The following P2RY12 variants were observed in gnomAD, a reference collection of about 807,000 sequenced individuals.
P2RY12 encodes the protein purinergic receptor P2Y12, also known as P2Y purinoceptor 12.
Under a neutral mutation model 4.5 loss-of-function variants are expected in P2RY12, and 3 were observed. The ratio of observed to expected loss-of-function variants is 0.67; its 90% CI spans 0.31 to 1.74. The LOEUF (loss-of-function observed/expected upper bound fraction) is 1.74. Among genes scored for constraint, P2RY12 ranks in the 40% most tolerant of loss-of-function variants. P2RY12 has a pLI of 0.09. For missense variants in P2RY12, 356 were observed against 407.8 expected, an observed-to-expected ratio of 0.87 and a Z score of 1.09; for synonymous variants, 148 against 154.1, an observed-to-expected ratio of 0.96 and a Z score of 0.29.
chr3:151,355,669 T>G (rs1753822585), intron 1 of P2RY12, among the ~76,000 whole-genome samples: 1 of 152,240 alleles, frequency 6.6e-6, no homozygotes, highest in South Asian at 2.1e-4. Flanking sequence ...TTAGAATACT[T>G]AAGATTTAGG....
intron 1 of P2RY12, chr3:151,376,649 G>T: frequency 1.5e-6 from 1 of 658,904 alleles, no homozygotes; most frequent in Middle Eastern, 4.0e-4. Flanking sequence ...GAATATATAT[G>T]CAGCAAGATT....
chr3:151,375,028 A>G (rs897048676), intron 1 of P2RY12, among the ~76,000 whole-genome samples: 3 of 152,236 alleles, frequency 2.0e-5, no homozygotes, highest in African/African-American at 7.2e-5. Context: ...CAGGCATGTT[A>G]TAACTATGGT....
chr3:151,341,607 AG>A (rs1751832146), intron 1 of P2RY12, among the ~76,000 whole-genome samples: 1 of 151,326 alleles, frequency 6.6e-6, no homozygotes, highest in African/African-American at 2.4e-5. Context: ...GTTAAGTTTT[AG>A]GGTACATGTG....
chr3:151,338,991 T>TATGA, intron 2 of P2RY12, 132 bp from the exon 3 acceptor site: 1 of 744,078 alleles, frequency 1.3e-6, no homozygotes, highest in Admixed American at 2.2e-5. Flanking sequence ...TAGTAGTTAG[T>TATGA]ATGAACACAG....
intron 1 of P2RY12, among the ~76,000 whole-genome samples, chr3:151,378,591 T>A (rs1231198899): frequency 6.6e-6 from 1 of 152,120 alleles, no homozygotes; most frequent in Non-Finnish European, 1.5e-5. Flanking sequence ...ATTTTTAACA[T>A]TTAGGGCTCC....
chr3:151,360,291 A>C (rs1222202414), intron 1 of P2RY12, among the ~76,000 whole-genome samples: 2 of 152,060 alleles, frequency 1.3e-5, no homozygotes, highest in Non-Finnish European at 2.9e-5. Context: ...TTTAAAATCT[A>C]TTTCAGTGTC....
Position 151,337,529 on chromosome 3 carries a change from G to T in P2RY12, c.*288C>A. ...TAAATATTATATGATTACTCATTTTGGCAAAACTCTGCAAAACATGAATTC... is the reference window on the plus strand; with the variant it reads ...TAAATATTATATGATTACTCATTTTTGCAAAACTCTGCAAAACATGAATTC... On this transcript the variant is annotated 3_prime_UTR_variant, in exon 3 of 3. Coordinates refer to ENST00000302632, the MANE Select transcript of P2RY12 (RefSeq NM_022788.5). 3.1e-6 allele frequency: 1 copy of T among 322,728 alleles called. No homozygotes were observed. The highest frequency in any genetic ancestry group is 2.2e-5 in the African/African-American group (1 of 46,310). The allele number at this position is 322,728 out of a possible 1,614,324, so 20.0% of individuals were successfully genotyped here.
intron 1 of P2RY12, among the ~76,000 whole-genome samples, chr3:151,371,194 A>G (rs1430446605): frequency 6.6e-6 from 1 of 151,848 alleles, no homozygotes; most frequent in African/African-American, 2.4e-5. Flanking sequence ...TAATTTATCC[A>G]CCCTACCATG....
At position 151,337,089 on chromosome 3, in the gene P2RY12, T is replaced by C. The variant is rs1351032006; in HGVS notation, c.*728A>G. 3 of 152,114 alleles carry C rather than the reference T, an allele frequency of 2.0e-5. No individual in the cohort carries two copies. Among genetic ancestry groups the C allele is most frequent in the Admixed American group, 6.6e-5 (1 of 15,264 alleles). 9.4% of individuals were successfully genotyped at this position (152,114 alleles called of 1,614,324 possible). ...AGTTGTAAAAAATTAGTAAAACTAG[T>C]TTCTCTAGAATTAAGGAAATATTTC... is the stretch of plus-strand genomic sequence containing the variant. On this transcript the variant is annotated 3_prime_UTR_variant, in exon 3 of 3. Coordinates refer to ENST00000302632, the MANE Select transcript of P2RY12 (RefSeq NM_022788.5).
chr3:151,377,353 G>A (rs191285381), intron 1 of P2RY12, among the ~76,000 whole-genome samples: 25 of 152,226 alleles, frequency 1.6e-4, no homozygotes, highest in Middle Eastern at 3.4e-3. Context: ...TGATAGCTTC[G>A]GAATATTTGA....
intron 1 of P2RY12, among the ~76,000 whole-genome samples, chr3:151,367,450 G>A (rs1755424038): frequency 6.6e-6 from 1 of 152,142 alleles, no homozygotes. Flanking sequence ...TGGAATGTGG[G>A]TAAACCTCAT....
At chr3:151,352,920 CAT>C (rs1313039589) in intron 1 of P2RY12, among the ~76,000 whole-genome samples, 1 of 152,020 alleles carries the variant, frequency 6.6e-6, no homozygotes. Context: ...AGCAAATTAA[CAT>C]AAGAAAGATG....
At chr3:151,355,052 A>C in intron 1 of P2RY12, 4 of 1,112,718 alleles carry the variant, frequency 3.6e-6, no homozygotes, top group Non-Finnish European at 5.4e-6. Context: ...TTTAAAAAAA[A>C]GTATCCATTA....
In P2RY12 at chr3:151,368,368, G is replaced by T; in HGVS notation, c.-180+16324C>A. On this transcript the variant is annotated intron_variant, in intron 1 of 2. Transcript: ENST00000302632. ...TTCTTAATTTTTTGGGCATGCCCTG[G>T]GGGTGATGAAGGGTGAGATGATACT... is the stretch of plus-strand genomic sequence containing the variant. 5 of 805,470 alleles carry T rather than the reference G, an allele frequency of 6.2e-6. No individual in the cohort carries two copies. The South Asian group carries it at 7.3e-5, about 12-fold the overall frequency. The allele number at this position is 805,470 out of a possible 1,614,324, so 49.9% of individuals were successfully genotyped here. A position where few individuals can be genotyped will look rare whatever the true frequency, so the allele number is the denominator to read the frequency against.
chr3:151,379,850 C>T (rs1711926933), intron 1 of P2RY12, among the ~76,000 whole-genome samples: 1 of 152,198 alleles, frequency 6.6e-6, no homozygotes, highest in South Asian at 2.1e-4. Context: ...TCTACCCTCA[C>T]TGCCCGGCAT....
rs1577491146 is a variant in P2RY12 at position 151,375,939 on chromosome 3, C to G, written c.-180+8753G>C. 3 of 622,680 alleles carry G rather than the reference C, an allele frequency of 4.8e-6. No individual in the cohort carries two copies. The East Asian group carries it at 9.8e-5, about 20-fold the overall frequency. The allele number at this position is 622,680 out of a possible 1,614,324, so 38.6% of individuals were successfully genotyped here. On this transcript the variant is annotated intron_variant, in intron 1 of 2. Transcript: ENST00000302632. ...GGAAAATTCCTATCAGTTTTCTATTCAATTATGCACTGTGGATTTAGTACA... is the reference window on the plus strand; with the variant it reads ...GGAAAATTCCTATCAGTTTTCTATTGAATTATGCACTGTGGATTTAGTACA...
intron 1 of P2RY12, among the ~76,000 whole-genome samples, chr3:151,379,139 G>T (rs1711753233): frequency 6.6e-6 from 1 of 152,182 alleles, no homozygotes; most frequent in African/African-American, 2.4e-5. Flanking sequence ...TTTACATCTG[G>T]TTGTTTTACC....
chr3:151,348,877 TC>T, intron 1 of P2RY12, among the ~76,000 whole-genome samples: 1 of 152,186 alleles, frequency 6.6e-6, no homozygotes, highest in Non-Finnish European at 1.5e-5. Context: ...ACATTGGACT[TC>T]TCCTAGTCTG....
rs1157568578 is a variant in P2RY12, at chr3:151,337,164, T to C, written c.*653A>G. ...ATAAAAGTAAGTCTCCTTATTTTAA[T>C]GACTTCGATATTTCTTCTCTTTATT... On this transcript the variant is annotated 3_prime_UTR_variant, in exon 3 of 3. Transcript: ENST00000302632. 1 of 152,148 alleles carries C rather than the reference T, an allele frequency of 6.6e-6. No homozygotes were observed. Among genetic ancestry groups the C allele is most frequent in the Non-Finnish European group, 1.5e-5 (1 of 68,012 alleles). 9.4% of individuals were successfully genotyped at this position (152,148 alleles called of 1,614,324 possible). A position where few individuals can be genotyped will look rare whatever the true frequency, so the allele number is the denominator to read the frequency against.
Sources: gnomAD v4.1 joint callset for allele counts (sites outside exome capture counted in the v4.1 genomes callset) on GRCh38, gnomAD v4.1.1 for gene constraint, MANE v1.5 for transcripts, NCBI Gene and HGNC (gene_info 2026-07-23, HGNC 2026-07-21) for gene names.